Variants in DEAF1 observed in about 807,000 individuals in gnomAD.
DEAF1 encodes the protein DEAF1 transcription factor.
Under a neutral mutation model 58.9 loss-of-function variants are expected in DEAF1, and 53 were observed. The observed-to-expected ratio is 0.90, with a 90% CI of 0.72 to 1.13. The LOEUF (loss-of-function observed/expected upper bound fraction) is 1.13. Among genes scored for constraint, DEAF1 ranks in the 50% most tolerant of loss-of-function variants. DEAF1 has a pLI of 0.00. For synonymous variants in DEAF1, 385 were observed against 340.4 expected (o/e 1.13, Z -1.44); for missense variants, 685 against 791.4 (o/e 0.87, Z 1.61).
At chr11:673,542 A>G (rs1859924678) in intron 10 of DEAF1, among the ~76,000 whole-genome samples, 1 of 152,208 alleles carries the variant, frequency 6.6e-6, no homozygotes, top group Admixed American at 6.5e-5. Flanking sequence ...ATAAAAATAA[A>G]AATAGAAAGT....
intron 1 of DEAF1, among the ~76,000 whole-genome samples, chr11:693,855 TC>T (rs1346783447): frequency 6.6e-6 from 1 of 151,986 alleles, no homozygotes; most frequent in Non-Finnish European, 1.5e-5. Context: ...CACAGCAGCC[TC>T]CCCAAAGGAA....
chr11:698,901 G>A (rs747630960), upstream of DEAF1: 65 of 1,613,862 alleles, frequency 4.0e-5, no homozygotes, highest in Non-Finnish European at 5.3e-5. Context: ...ATCCTGCTGC[G>A]TGCCCCTCCA....
chr11:669,137 T>C (rs1049831871), intron 10 of DEAF1, among the ~76,000 whole-genome samples: 1 of 150,112 alleles, frequency 6.7e-6, no homozygotes, highest in Non-Finnish European at 1.5e-5. Context: ...TTTTTTTTTT[T>C]TTTTTTTTGT....
At chr11:655,401 TTAA>T (rs1858992159) in intron 10 of DEAF1, among the ~76,000 whole-genome samples, 1 of 152,272 alleles carries the variant, frequency 6.6e-6, no homozygotes, top group African/African-American at 2.4e-5. Context: ...CTGTCAATGA[TTAA>T]TGTTTGCGGC....
At chr11:702,828 CG>C (rs1392299225) in intron 1 of DEAF1, 7 of 1,010,186 alleles carry the variant, frequency 6.9e-6, no homozygotes, top group African/African-American at 3.2e-5. Context: ...CCCCAGGCCC[CG>C]GAGGAACGTA....
At chr11:679,864 G>A (rs200617969) in intron 7 of DEAF1, 48 bp from the exon 8 acceptor site, 74 of 1,607,956 alleles carry the variant, frequency 4.6e-5, no homozygotes, top group Non-Finnish European at 5.4e-5. Context: ...TGGCGCCCAC[G>A]GCACACAGGT....
In DEAF1 at chr11:654,738, G is replaced by A. The variant is rs1000234161; in HGVS notation, c.1504-687C>T. 28 of 417,524 alleles carry A rather than the reference G, an allele frequency of 6.7e-5. 3 individuals are homozygous for A. Among genetic ancestry groups the A allele is most frequent in the African/African-American group, 4.8e-4 (23 of 48,334 alleles). 25.9% of individuals were successfully genotyped at this position (417,524 alleles called of 1,614,324 possible). ...ACAAAAATTAGCTGGGTGTGGTGGT[G>A]GCCACCTGTAATCCCAGCTACCTGG... is the stretch of plus-strand genomic sequence containing the variant. On this transcript the variant is annotated intron_variant, in intron 10 of 11. Coordinates refer to ENST00000382409, the MANE Select transcript of DEAF1 (RefSeq NM_021008.4).
upstream of DEAF1, chr11:698,795 G>A (rs2133456803): frequency 6.4e-7 from 1 of 1,563,122 alleles, no homozygotes; most frequent in Non-Finnish European, 8.8e-7. Context: ...GGTGGTTCCT[G>A]TCAGTGTGGA....
In DEAF1 at chr11:674,519, ATTTGTT is replaced by A; in HGVS notation, c.1503+11_1503+16del. The stretch of plus-strand genomic sequence containing the variant: ...TACTCGGCACAGGTCGTGTCTTCCC[ATTTGTT>A]CCAAGGTTACCTCCTTCCGCTCTGC... On this transcript the variant is annotated intron_variant, in intron 10 of 11. Coordinates refer to ENST00000382409, the MANE Select transcript of DEAF1 (RefSeq NM_021008.4). 1 of 1,613,060 alleles carries A rather than the reference ATTTGTT, an allele frequency of 6.2e-7. No individual in the cohort carries two copies. The highest frequency in any genetic ancestry group is 8.5e-7 in the Non-Finnish European group (1 of 1,179,942).
At chr11:655,151 T>A (rs1858981298) in intron 10 of DEAF1, among the ~76,000 whole-genome samples, 1 of 147,360 alleles carries the variant, frequency 6.8e-6, no homozygotes. Flanking sequence ...GCACAGAAAA[T>A]CAAACTCAGG....
At chr11:701,151 C>G (rs1018177176) in intron 1 of DEAF1, 6 of 201,106 alleles carry the variant, frequency 3.0e-5, no homozygotes, top group Non-Finnish European at 5.2e-5. Flanking sequence ...CACTCCAGCT[C>G]TAGGGATCCC....
At chr11:649,668 C>A (rs1001753913) in intron 11 of DEAF1, among the ~76,000 whole-genome samples, 2 of 151,890 alleles carry the variant, frequency 1.3e-5, no homozygotes, top group African/African-American at 4.8e-5. Context: ...TGCAGTGAGC[C>A]GAGATTACGC....
At chr11:653,109 AAGAGT>A (rs1470120193) in intron 11 of DEAF1, among the ~76,000 whole-genome samples, 1 of 148,832 alleles carries the variant, frequency 6.7e-6, no homozygotes, top group Non-Finnish European at 1.5e-5. Flanking sequence ...AAAAAAAAAA[AAGAGT>A]GACTAAATGC....
At chr11:698,991 G>A, upstream of DEAF1, 1 of 1,408,814 alleles carries the variant, frequency 7.1e-7, no homozygotes, top group East Asian at 2.3e-5. Context: ...GTTCTGTCTA[G>A]TAATTCCACT....
intron 9 of DEAF1, among the ~76,000 whole-genome samples, chr11:675,923 A>ATC (rs1860031243): frequency 1.4e-5 from 1 of 71,284 alleles, no homozygotes; most frequent in African/African-American, 5.6e-5. Context: ...AGCACCTGAC[A>ATC]CCCCCCAGCA....
intron 11 of DEAF1, among the ~76,000 whole-genome samples, chr11:647,355 T>C (rs1260904232): frequency 1.3e-5 from 2 of 151,970 alleles, no homozygotes; most frequent in East Asian, 3.9e-4. Flanking sequence ...CTAGGGAGGC[T>C]GAGGCAGGAG....
intron 1 of DEAF1, chr11:694,288 A>G (rs1297811413): frequency 9.4e-6 from 1 of 106,138 alleles, no homozygotes; most frequent in Non-Finnish European, 1.8e-5. Flanking sequence ...CACCAGGGGC[A>G]GGTGTGCGGG....
At chr11:687,040 G>A (rs762455530) in intron 4 of DEAF1, 43 bp from the exon 5 acceptor site, 8 of 1,612,106 alleles carry the variant, frequency 5.0e-6, no homozygotes, top group East Asian at 4.5e-5. Context: ...AGGTGGGAAC[G>A]TCACCTCTGC....
intron 6 of DEAF1, among the ~76,000 whole-genome samples, chr11:682,975 G>A (rs1860441838): frequency 6.6e-6 from 1 of 152,156 alleles, no homozygotes; most frequent in Non-Finnish European, 1.5e-5. Context: ...CTCCACCATA[G>A]GGAGCTGGGG....
Sources: gnomAD v4.1 joint callset for allele counts (sites outside exome capture counted in the v4.1 genomes callset) on GRCh38, gnomAD v4.1.1 for gene constraint, MANE v1.5 for transcripts, NCBI Gene and HGNC (gene_info 2026-07-23, HGNC 2026-07-21) for gene names.